The following C16orf46 variants were observed in gnomAD, a reference collection of about 807,000 sequenced individuals.
C16orf46 encodes chromosome 16 open reading frame 46, also known as uncharacterized protein C16orf46.
In C16orf46, 7 loss-of-function variants were observed where a neutral mutation model predicts 5.5. The observed-to-expected ratio is 1.28, with a 90% CI of 0.73 to 2.40. The LOEUF (loss-of-function observed/expected upper bound fraction) is 2.40, where lower values mean the gene tolerates loss of function less well. C16orf46 is among the 30% of genes most tolerant of loss of function. C16orf46 has a pLI of 0.00. For synonymous variants in C16orf46, 200 were observed against 184.1 expected, an observed-to-expected ratio of 1.09 and a Z score of -0.70; for missense variants, 614 against 476.0, an observed-to-expected ratio of 1.29 and a Z score of -2.70.
At chr16:81,075,417 C>T (rs1597155916) in intron 1 of C16orf46, among the ~76,000 whole-genome samples, 1 of 152,106 alleles carries the variant, frequency 6.6e-6, no homozygotes. Context: ...TGATGAAACC[C>T]CATCTTTACC....
chr16:81,074,754 G>A (rs1295726226), intron 1 of C16orf46, among the ~76,000 whole-genome samples: 1 of 150,576 alleles, frequency 6.6e-6, no homozygotes, highest in Non-Finnish European at 1.5e-5. Flanking sequence ...TTTTTCACAT[G>A]AATGGCTAAA....
In C16orf46 at chr16:81,062,073, C is replaced by T. The variant is rs769694619; in HGVS notation, c.276G>A (p.Ala92=). Residue 92 remains alanine, a synonymous_variant, in exon 4 of 4, where the codon GCG becomes GCA. Coordinates refer to ENST00000299578, the MANE Select transcript of C16orf46 (RefSeq NM_152337.3). ...CGCTGCAGGCACCTTCCCCTACCCT[C>T]GCCTTTTTTGGTATCTTCCTCGGCC... The part of the protein sequence containing the change: ...CIWPRKIPKK[A]RVGEGACSDC... 16 of 1,611,286 alleles carry T rather than the reference C, an allele frequency of 9.9e-6. No individual in the cohort carries two copies. In the South Asian group the frequency reaches 1.6e-4, roughly 17 times the overall value.
At chr16:81,075,670 C>T (rs559231885) in intron 1 of C16orf46, among the ~76,000 whole-genome samples, 1 of 152,242 alleles carries the variant, frequency 6.6e-6, no homozygotes, top group East Asian at 1.9e-4. Context: ...ATCTTATGAC[C>T]TGACTATAGC....
chr16:81,068,253 C>T lies in C16orf46; in HGVS notation c.-127-1972G>A, dbSNP rs918930218. ...TTGCTCCTGAAATGAACAAAGACAA[C>T]GGTTAAGCTATCACAGTCAACAGTA... On this transcript the variant is annotated intron_variant, in intron 1 of 3. Coordinates refer to ENST00000299578, the MANE Select transcript of C16orf46 (RefSeq NM_152337.3). 1.2e-4 allele frequency among the ~76,000 whole-genome samples: 18 copies of T among 152,160 alleles called. 1 individual carries two copies. Among genetic ancestry groups the T allele is most frequent in the Admixed American group, 7.2e-4 (11 of 15,270 alleles).
intron 3 of C16orf46, among the ~76,000 whole-genome samples, chr16:81,054,823 T>C (rs1406870917): frequency 6.7e-6 from 1 of 148,990 alleles, no homozygotes; most frequent in Non-Finnish European, 1.5e-5. Flanking sequence ...AATTTTTCTA[T>C]TTTTAGTAGA....
rs1404576074 is a variant in C16orf46 at position 81,061,492 on chromosome 16, G to A, written c.857C>T (p.Ala286Val). Residue 286 changes from alanine (A) to valine (V), a missense_variant, in exon 4 of 4, where the codon GCC becomes GTC. Ala to Val is a moderately conservative substitution (Grantham distance 64). Transcript: ENST00000299578. ...NDTPSSPSPA[A>V]QISLLTDPEQ... The stretch of plus-strand genomic sequence containing the variant: ...CGGATCGGTCAGCAGGGATATCTGG[G>A]CCGCTGGGGAAGGGGAGGATGGCGT... 2 of 1,614,198 alleles carry A rather than the reference G, an allele frequency of 1.2e-6. No homozygotes were observed. The highest frequency in any genetic ancestry group is 1.1e-5 in the South Asian group (1 of 91,086).
At chr16:81,076,761 A>G (rs906684461) in intron 1 of C16orf46, among the ~76,000 whole-genome samples, 3 of 150,364 alleles carry the variant, frequency 2.0e-5, no homozygotes, top group Non-Finnish European at 3.0e-5. Context: ...TTTCTCTATC[A>G]GGCTCCTCCC....
At chr16:81,073,911 G>C (rs1251209763) in intron 1 of C16orf46, among the ~76,000 whole-genome samples, 1 of 152,196 alleles carries the variant, frequency 6.6e-6, no homozygotes, top group African/African-American at 2.4e-5. Flanking sequence ...TAAGAGTCTA[G>C]ACTGGATGAC....
At chr16:81,054,432 AT>A in intron 3 of C16orf46, among the ~76,000 whole-genome samples, 1 of 152,286 alleles carries the variant, frequency 6.6e-6, no homozygotes, top group Admixed American at 6.5e-5. Flanking sequence ...GCTCATGGAA[AT>A]AATTTTGGTT....
At chr16:81,074,626 G>A (rs1041450002) in intron 1 of C16orf46, among the ~76,000 whole-genome samples, 6 of 151,812 alleles carry the variant, frequency 4.0e-5, no homozygotes, top group Non-Finnish European at 7.4e-5. Flanking sequence ...CTCGTGATCC[G>A]CCCGCCTCAG....
chr16:81,056,915 AG>A (rs1421513461), downstream of C16orf46, among the ~76,000 whole-genome samples: 5 of 152,262 alleles, frequency 3.3e-5, no homozygotes, highest in African/African-American at 1.2e-4. Flanking sequence ...GAGAAGCTGC[AG>A]CAAAGGCGGT....
downstream of C16orf46, among the ~76,000 whole-genome samples, chr16:81,057,071 G>A (rs1971319004): frequency 6.6e-6 from 1 of 152,098 alleles, no homozygotes; most frequent in African/African-American, 2.4e-5. Flanking sequence ...GGCCAGGGAT[G>A]CTGCTACACA....
chr16:81,057,538 C>CA (rs11289785), downstream of C16orf46, among the ~76,000 whole-genome samples: 7,061 of 112,264 alleles, frequency 0.063, 557 homozygotes, highest in African/African-American at 0.18. Flanking sequence ...GACTCTGTCT[C>CA]AAAAAAAAAA....
At chr16:81,066,747 T>A (rs1216649112) in intron 1 of C16orf46, among the ~76,000 whole-genome samples, 3 of 152,230 alleles carry the variant, frequency 2.0e-5, no homozygotes, top group Non-Finnish European at 4.4e-5. Flanking sequence ...GCTCATGCCA[T>A]CCCATTTCTT....
intron 3 of C16orf46, among the ~76,000 whole-genome samples, 182 bp downstream of exon 3, chr16:81,063,564 C>T (rs992809715): frequency 1.3e-5 from 2 of 152,158 alleles, no homozygotes; most frequent in Non-Finnish European, 2.9e-5. Flanking sequence ...ACTAAGTGGC[C>T]ATAAATACCC....
In C16orf46 at chr16:81,061,888, G is replaced by A. The variant is rs533239952; in HGVS notation, c.461C>T (p.Thr154Ile). 6.2e-7 allele frequency: 1 copy of A among 1,614,234 alleles called. No homozygotes were observed. Among genetic ancestry groups the A allele is most frequent in the African/African-American group, 1.3e-5 (1 of 75,064 alleles). Residue 154 changes from threonine to isoleucine, a missense_variant, in exon 4 of 4, where the codon ACC (threonine) becomes ATC (isoleucine). Transcript: ENST00000299578. ...SRAISDICFPTYFRAEKKSLQ... is the reference protein window; with the variant it reads ...SRAISDICFPIYFRAEKKSLQ... The stretch of plus-strand genomic sequence containing the variant: ...ACTTTTTTTCTCTGCTCGAAAGTAG[G>A]TGGGAAAGCAGATGTCGCTAATTGC...
In C16orf46 at chr16:81,061,260, C is replaced by A. The variant is rs200068614; in HGVS notation, c.1089G>T (p.Arg363Ser). 3.7e-6 allele frequency: 6 copies of A among 1,614,078 alleles called. No homozygotes were observed. In the Admixed American group the frequency reaches 5.0e-5, roughly 13 times the overall value. Residue 363 changes from arginine (R) to serine (S), a missense_variant, in exon 4 of 4, where the codon AGG (arginine) becomes AGT (serine). By Grantham distance (110) the Arg-to-Ser change is moderately radical (BLOSUM62 -1). Coordinates refer to ENST00000299578, the MANE Select transcript of C16orf46 (RefSeq NM_152337.3). ...HVLPKAKQEN[R>S]PQMLETKVFP... is the part of the protein sequence containing the mutation. The stretch of plus-strand genomic sequence containing the variant: ...AAACTTTGGTCTCCAGCATTTGGGG[C>A]CTGTTTTCCTGCTTGGCCTTTGGGA...
Position 81,063,918 on chromosome 16 carries a change from T to C in C16orf46, c.38A>G (p.Asn13Ser). ...GAACTGAATTTCATTATTTTCAGCA[T>C]TTTCTAAGTCAGTCTCATTTTTCTG... ...LCQKNETDLENAENNEIQFTE... is the reference protein window; with the variant it reads ...LCQKNETDLESAENNEIQFTE... Residue 13 changes from asparagine (N) to serine (S), a missense_variant, in exon 3 of 4, where the codon AAT (asparagine) becomes AGT (serine). By Grantham distance (46) the Asn-to-Ser change is conservative. Transcript: ENST00000299578. 2 of 1,613,710 alleles carry C rather than the reference T, an allele frequency of 1.2e-6. No individual in the cohort carries two copies. Among genetic ancestry groups the C allele is most frequent in the East Asian group, 2.2e-5 (1 of 44,872 alleles).
intron 1 of C16orf46, among the ~76,000 whole-genome samples, chr16:81,071,076 T>C (rs142196805): frequency 3.6e-4 from 55 of 152,312 alleles, no homozygotes; most frequent in African/African-American, 1.3e-3. Context: ...TACTTGTTCC[T>C]GGGAATCCAG....
Sources: allele counts gnomAD v4.1 joint callset (sites outside exome capture counted in the v4.1 genomes callset), GRCh38; gene constraint gnomAD v4.1.1; transcripts MANE v1.5; gene names NCBI Gene and HGNC (gene_info 2026-07-23, HGNC 2026-07-21).